PTPRD: variants seen among roughly 807,000 people sequenced by gnomAD.
PTPRD encodes protein tyrosine phosphatase receptor type D.
In PTPRD, 34 loss-of-function variants were observed where a neutral mutation model predicts 214.5. That is an observed-to-expected ratio of 0.16 (90% CI 0.12 to 0.21). The LOEUF (loss-of-function observed/expected upper bound fraction) is 0.21, where lower values mean the gene tolerates loss of function less well. PTPRD is among the 10% of genes least tolerant of loss of function. The pLI is 1.00. For synonymous variants in PTPRD, 1,128 were observed against 845.7 expected, an observed-to-expected ratio of 1.33 and a Z score of -5.79; for missense variants, 2,545 against 2,398.7, an observed-to-expected ratio of 1.06 and a Z score of -1.27.
chr9:8,977,131 C>T (rs919846577), intron 11 of PTPRD, among the ~76,000 whole-genome samples: 2 of 152,092 alleles, frequency 1.3e-5, no homozygotes, highest in Non-Finnish European at 2.9e-5. Context: ...CTGGTAATAT[C>T]TCTGATATCT....
chr9:9,150,056 A>G (rs1250257026), intron 10 of PTPRD, among the ~76,000 whole-genome samples: 3 of 152,106 alleles, frequency 2.0e-5, no homozygotes, highest in Admixed American at 2.0e-4. Flanking sequence ...AGCAATTGTC[A>G]CCGGAGTCCC....
At chr9:9,387,513 G>A (rs1005090832) in intron 9 of PTPRD, among the ~76,000 whole-genome samples, 1 of 151,950 alleles carries the variant, frequency 6.6e-6, no homozygotes, top group Non-Finnish European at 1.5e-5. Context: ...TTGAAGGGTG[G>A]TTTCACTGAA....
chr9:10,001,257 A>T (rs12550974), intron 4 of PTPRD, among the ~76,000 whole-genome samples: 2 of 152,128 alleles, frequency 1.3e-5, no homozygotes, highest in Non-Finnish European at 2.9e-5. Flanking sequence ...AGAAAAATGA[A>T]CCGAGCCCCC....
intron 3 of PTPRD, among the ~76,000 whole-genome samples, chr9:10,294,581 T>A (rs951672711): frequency 7.2e-5 from 11 of 151,942 alleles, no homozygotes; most frequent in Non-Finnish European, 1.6e-4. Flanking sequence ...TATGCATACA[T>A]TTCTCTGGAC....
intron 8 of PTPRD, among the ~76,000 whole-genome samples, chr9:9,456,563 T>C (rs1026531887): frequency 6.6e-6 from 1 of 151,862 alleles, no homozygotes; most frequent in African/African-American, 2.4e-5. Context: ...GTATTACTTA[T>C]ATGCCTCAAG....
intron 12 of PTPRD, among the ~76,000 whole-genome samples, chr9:8,698,239 A>G (rs1166308557): frequency 6.6e-6 from 1 of 152,242 alleles, no homozygotes. Context: ...ACTGTGTGAT[A>G]GATGTTTATT....
At chr9:10,453,823 T>C (rs778747972) in intron 2 of PTPRD, among the ~76,000 whole-genome samples, 16 of 151,658 alleles carry the variant, frequency 1.1e-4, no homozygotes, top group Non-Finnish European at 1.9e-4. Flanking sequence ...TTTAGGATTT[T>C]CAGTACTATG....
chr9:10,507,201 C>A (rs750233476), intron 2 of PTPRD, among the ~76,000 whole-genome samples: 23 of 152,132 alleles, frequency 1.5e-4, no homozygotes, highest in South Asian at 4.2e-4. Flanking sequence ...TTCACGATTG[C>A]TTCAAAGAGA....
intron 3 of PTPRD, among the ~76,000 whole-genome samples, chr9:10,209,073 C>G (rs2099501275): frequency 6.6e-6 from 1 of 152,124 alleles, no homozygotes; most frequent in South Asian, 2.1e-4. Flanking sequence ...TTTATGAATG[C>G]TGCAGTTCGT....
At chr9:8,481,969 G>C (rs966606567) in intron 30 of PTPRD, among the ~76,000 whole-genome samples, 2 of 152,110 alleles carry the variant, frequency 1.3e-5, no homozygotes, top group Middle Eastern at 3.4e-3. Context: ...TTTCAGTAGA[G>C]ACGGGGTTTT....
chr9:9,253,699 T>C (rs1205639242), intron 9 of PTPRD, among the ~76,000 whole-genome samples: 2 of 152,148 alleles, frequency 1.3e-5, no homozygotes, highest in Non-Finnish European at 2.9e-5. Context: ...TTCGTAGTCC[T>C]CTTTCCTTTG....
chr9:9,623,537 A>G (rs2095318679), intron 7 of PTPRD, among the ~76,000 whole-genome samples: 1 of 152,008 alleles, frequency 6.6e-6, no homozygotes, highest in Non-Finnish European at 1.5e-5. Flanking sequence ...ACCTCATATT[A>G]CCCCCTTTCT....
rs765247969 is a variant in PTPRD at position 8,319,823 on chromosome 9, T to A, written c.5670+8A>T. The A allele has an allele frequency of 1.2e-6, 2 of 1,611,770 alleles. No homozygotes were observed. The highest frequency in any genetic ancestry group is 8.5e-7 in the Non-Finnish European group (1 of 1,179,000). Reference sequence around the variant, plus strand: ...TTGAGATGCGAAAAATGCAATGGATTTTCTCACCTCTGTCTGTACCATAGC... The same window carrying A: ...TTGAGATGCGAAAAATGCAATGGATATTCTCACCTCTGTCTGTACCATAGC... On this transcript the variant is annotated splice_region_variant and intron_variant, in intron 45 of 45. Transcript: ENST00000381196.
chr9:10,045,694 T>G (rs1002179145), intron 3 of PTPRD, among the ~76,000 whole-genome samples: 22 of 151,766 alleles, frequency 1.4e-4, no homozygotes, highest in African/African-American at 5.1e-4. Flanking sequence ...CTATTTTAAA[T>G]ATATAGCTTA....
intron 5 of PTPRD, among the ~76,000 whole-genome samples, chr9:9,847,520 C>T (rs2059760279): frequency 6.6e-6 from 1 of 152,074 alleles, no homozygotes; most frequent in Non-Finnish European, 1.5e-5. Context: ...GTTCTCTGGA[C>T]CTAATATGCA....
intron 11 of PTPRD, among the ~76,000 whole-genome samples, chr9:8,964,656 T>C (rs995938091): frequency 2.0e-5 from 3 of 152,100 alleles, no homozygotes; most frequent in Admixed American, 1.3e-4. Flanking sequence ...AATCATTAAT[T>C]TGAGATCTCT....
At chr9:10,424,313 TTC>T (rs35994999) in intron 2 of PTPRD, among the ~76,000 whole-genome samples, 9,778 of 144,956 alleles carry the variant, frequency 0.067, 956 homozygotes, top group African/African-American at 0.22. Context: ...TGGTTTCCTT[TTC>T]TCTCTCTCTC....
At position 9,371,398 on chromosome 9, in the gene PTPRD, G is replaced by A. The variant is rs181705064; in HGVS notation, c.-203+26051C>T. Reference sequence around the variant, plus strand: ...CTTCTAGATTTTCTAGTTTATGTGCGTAGAGGTGTTTATAGTATTCTCTGA... The same window carrying A: ...CTTCTAGATTTTCTAGTTTATGTGCATAGAGGTGTTTATAGTATTCTCTGA... On this transcript the variant is annotated intron_variant, in intron 9 of 45. Coordinates refer to ENST00000381196, the MANE Select transcript of PTPRD (RefSeq NM_002839.4). 4.1e-3 allele frequency among the ~76,000 whole-genome samples: 622 copies of A among 152,200 alleles called. 6 individuals carry two copies. The highest frequency in any genetic ancestry group is 0.023 in the South Asian group (109 of 4,828).
chr9:10,540,315 A>T (rs1407946326), intron 2 of PTPRD, among the ~76,000 whole-genome samples: 2 of 152,202 alleles, frequency 1.3e-5, no homozygotes, highest in African/African-American at 2.4e-5. Flanking sequence ...GGCATGAGCC[A>T]CCGGACCCGG....
Sources: allele counts gnomAD v4.1 joint callset (sites outside exome capture counted in the v4.1 genomes callset), GRCh38; gene constraint gnomAD v4.1.1; transcripts MANE v1.5; gene names NCBI Gene and HGNC (gene_info 2026-07-23, HGNC 2026-07-21).